The following FRMD4A variants were observed in gnomAD, a reference collection of about 807,000 sequenced individuals.
FRMD4A encodes the protein FERM domain-containing protein 4A.
A neutral mutation model predicts 129.1 loss-of-function variants in FRMD4A; 29 were observed. The ratio of observed to expected loss-of-function variants is 0.22; its 90% CI spans 0.17 to 0.31. The LOEUF is 0.31. Ranked by LOEUF, FRMD4A falls within the 10% of genes least tolerant of loss-of-function variation. FRMD4A has a pLI of 1.00. For missense variants in FRMD4A, 1,272 were observed against 1,375.8 expected (o/e 0.92, Z 1.19); for synonymous variants, 634 against 571.6 (o/e 1.11, Z -1.56).
intron 2 of FRMD4A, among the ~76,000 whole-genome samples, chr10:14,210,746 G>C (rs185338762): frequency 3.5e-4 from 53 of 152,266 alleles, no homozygotes; most frequent in African/African-American, 1.3e-3. Flanking sequence ...GTTTGTTTTT[G>C]AGATGGAGTC....
intron 2 of FRMD4A, among the ~76,000 whole-genome samples, chr10:14,243,937 T>A (rs1281640312): frequency 6.6e-6 from 1 of 151,944 alleles, no homozygotes; most frequent in African/African-American, 2.4e-5. Flanking sequence ...ATAAAAGTGA[T>A]CATCAGTATC....
At chr10:14,032,156 G>C (rs1164756765) in intron 2 of FRMD4A, among the ~76,000 whole-genome samples, 1 of 152,052 alleles carries the variant, frequency 6.6e-6, no homozygotes, top group Non-Finnish European at 1.5e-5. Context: ...AAAATTCATG[G>C]ATCGTGCAAC....
intron 3 of FRMD4A, among the ~76,000 whole-genome samples, chr10:13,811,391 C>T (rs1324999761): frequency 6.6e-6 from 1 of 151,708 alleles, no homozygotes; most frequent in Non-Finnish European, 1.5e-5. Context: ...CCTCAGCCTC[C>T]CAAAGTGCTG....
chr10:14,097,158 A>AAAG, intron 2 of FRMD4A: 1 of 113,380 alleles, frequency 8.8e-6, no homozygotes, highest in Non-Finnish European at 1.9e-5. Context: ...AAAAAAAAAA[A>AAAG]AAAAAAAAAG....
At chr10:13,787,227 G>C (rs569068277) in intron 5 of FRMD4A, among the ~76,000 whole-genome samples, 1 of 152,288 alleles carries the variant, frequency 6.6e-6, no homozygotes, top group South Asian at 2.1e-4. Context: ...GGAAAACCCC[G>C]TGAGCTCCGG....
At chr10:14,012,876 T>A (rs2095686909) in intron 2 of FRMD4A, among the ~76,000 whole-genome samples, 1 of 152,220 alleles carries the variant, frequency 6.6e-6, no homozygotes. Context: ...GAACTGCCAC[T>A]TGCTGGCACT....
rs1218412571 is a variant in FRMD4A at position 14,133,416 on chromosome 10, G to A, written c.45+196642C>T. Among the ~76,000 whole-genome samples, 4 of 152,320 alleles carry A rather than the reference G, an allele frequency of 2.6e-5. No individual in the cohort carries two copies. In the East Asian group the frequency reaches 7.7e-4, roughly 29 times the overall value. The stretch of plus-strand genomic sequence containing the variant: ...TAGTCATTCTGGTGTCTGGCCATAT[G>A]TTTTGAAGGCATTTGTGGGTCCCTT... On this transcript the variant is annotated intron_variant, in intron 2 of 24. Coordinates refer to ENST00000357447, the MANE Select transcript of FRMD4A (RefSeq NM_018027.5).
intron 2 of FRMD4A, among the ~76,000 whole-genome samples, chr10:14,149,095 A>G (rs112993156): frequency 0.013 from 1,979 of 152,320 alleles, 53 homozygotes; most frequent in African/African-American, 0.045. Context: ...AGCCAGATCC[A>G]AGTTCTTAAA....
At chr10:13,682,532 G>C (rs1212569608) in intron 15 of FRMD4A, among the ~76,000 whole-genome samples, 1 of 117,610 alleles carries the variant, frequency 8.5e-6, no homozygotes, top group African/African-American at 3.3e-5. Flanking sequence ...ACAGAGTCTC[G>C]CTTTGTCACC....
chr10:14,040,469 T>G (rs1403064157), intron 2 of FRMD4A, among the ~76,000 whole-genome samples: 1 of 152,064 alleles, frequency 6.6e-6, no homozygotes, highest in Non-Finnish European at 1.5e-5. Flanking sequence ...ACTGAAGGAA[T>G]TTAGCTGAAG....
intron 6 of FRMD4A, among the ~76,000 whole-genome samples, chr10:13,763,940 C>T (rs1242450406): frequency 6.6e-6 from 1 of 152,054 alleles, no homozygotes; most frequent in South Asian, 2.1e-4. Flanking sequence ...CCAGGTTGGC[C>T]AGGCTGGTCT....
intron 2 of FRMD4A, among the ~76,000 whole-genome samples, chr10:14,069,219 T>C (rs2131713500): frequency 6.6e-6 from 1 of 152,364 alleles, no homozygotes; most frequent in Admixed American, 6.5e-5. Flanking sequence ...GGTCTGCCAC[T>C]AATTCATATG....
rs541019424 is a variant in FRMD4A, at chr10:14,158,409, A to C, written c.45+171649T>G. Among the ~76,000 whole-genome samples the C allele has an allele frequency of 1.1e-4, 16 of 152,212 alleles. No individual in the cohort carries two copies. In the South Asian group the frequency reaches 3.3e-3, roughly 32 times the overall value. On this transcript the variant is annotated intron_variant, in intron 2 of 24. Coordinates refer to ENST00000357447, the MANE Select transcript of FRMD4A (RefSeq NM_018027.5). The stretch of plus-strand genomic sequence containing the variant: ...GAAGACTGCTTGAAGCCAGGAGCGC[A>C]AGACAAGCTTGGGCAACACAGCAAG...
At chr10:14,113,657 T>A (rs1838045193) in intron 2 of FRMD4A, among the ~76,000 whole-genome samples, 1 of 152,168 alleles carries the variant, frequency 6.6e-6, no homozygotes, top group Non-Finnish European at 1.5e-5. Context: ...AAAAAAGCCA[T>A]TTTCAGAAAT....
At chr10:13,985,028 G>A (rs1373906015) in intron 2 of FRMD4A, among the ~76,000 whole-genome samples, 1 of 152,250 alleles carries the variant, frequency 6.6e-6, no homozygotes, top group Admixed American at 6.5e-5. Context: ...GCTGCCCACA[G>A]ACATGCCTGC....
intron 2 of FRMD4A, among the ~76,000 whole-genome samples, chr10:14,089,224 C>G (rs528322328): frequency 1.1e-4 from 16 of 152,298 alleles, no homozygotes; most frequent in Non-Finnish European, 2.2e-4. Flanking sequence ...TCCCACAGGC[C>G]CCTGGCGCTG....
chr10:14,088,364 C>A (rs79806013), intron 2 of FRMD4A, among the ~76,000 whole-genome samples: 1 of 151,520 alleles, frequency 6.6e-6, no homozygotes, highest in African/African-American at 2.4e-5. Context: ...GGAGGACTGC[C>A]TGAGCGTGGG....
intron 2 of FRMD4A, among the ~76,000 whole-genome samples, chr10:13,973,483 GC>G (rs1360945798): frequency 9.2e-5 from 14 of 152,010 alleles, no homozygotes; most frequent in Non-Finnish European, 1.9e-4. Flanking sequence ...ACCTCACCTG[GC>G]CCATTTTAAT....
chr10:14,114,218 G>T (rs1345309240), intron 2 of FRMD4A, among the ~76,000 whole-genome samples: 4 of 152,180 alleles, frequency 2.6e-5, no homozygotes, highest in African/African-American at 9.7e-5. Flanking sequence ...ATTCCTTTTG[G>T]TTATTTTCCT....
Sources: allele counts gnomAD v4.1 joint callset (sites outside exome capture counted in the v4.1 genomes callset), GRCh38; gene constraint gnomAD v4.1.1; transcripts MANE v1.5; gene names NCBI Gene and HGNC (gene_info 2026-07-23, HGNC 2026-07-21).